HS6ST2: variants seen among roughly 807,000 people sequenced by gnomAD.
HS6ST2 encodes the protein heparan-sulfate 6-O-sulfotransferase 2.
Under a neutral mutation model 33.0 loss-of-function variants are expected in HS6ST2, and 17 were observed. The observed-to-expected ratio is 0.52, with a 90% CI of 0.35 to 0.77. The LOEUF (loss-of-function observed/expected upper bound fraction) is 0.77. Among genes scored for constraint, HS6ST2 ranks in the 30% least tolerant of loss-of-function variants. The pLI is 0.01. For synonymous variants in HS6ST2, 248 were observed against 237.1 expected (o/e 1.05, Z -0.42); for missense variants, 519 against 551.7 (o/e 0.94, Z 0.59).
At chrX:132,793,674 T>C (rs2065142825) in intron 2 of HS6ST2, among the ~76,000 whole-genome samples, 1 of 112,163 alleles carries the variant, frequency 8.9e-6, no homozygotes, top group Admixed American at 9.5e-5. Context: ...AGATGTCAAA[T>C]CAAGTACAAT....
At position 132,898,381 on chromosome X, in the gene HS6ST2, T is replaced by TTATATATATATA. The variant is rs10545986; in HGVS notation, c.947+58415_947+58426dup. 8.7e-4 allele frequency among the ~76,000 whole-genome samples: 78 copies of TTATATATATATA among 89,190 alleles called. 1 individual carries two copies. The highest frequency in any genetic ancestry group is 1.1e-3 in the Non-Finnish European group (50 of 45,182). 77.5% of individuals were successfully genotyped at this position (89,190 alleles called of 115,157 possible). ...ATATGCTCTCTTTATCAACATAAGG[T>TTATATATATATA]TATATATATATATATATATATATAT... On this transcript the variant is annotated intron_variant, in intron 2 of 4. Coordinates refer to ENST00000370833, the MANE Select transcript of HS6ST2 (RefSeq NM_001394073.1).
chrX:132,824,229 T>C (rs1389743395), intron 2 of HS6ST2, among the ~76,000 whole-genome samples: 3 of 111,978 alleles, frequency 2.7e-5, no homozygotes, highest in South Asian at 3.8e-4. Context: ...TCGTGTTTTT[T>C]AGTCCTGTCC....
intron 2 of HS6ST2, among the ~76,000 whole-genome samples, chrX:132,839,638 C>G (rs891525586): frequency 5.2e-4 from 57 of 110,007 alleles, no homozygotes; most frequent in African/African-American, 1.8e-3. Context: ...AGCCTAAACT[C>G]CATCACTAGG....
chrX:132,823,546 T>C (rs2065481448), intron 2 of HS6ST2, among the ~76,000 whole-genome samples: 1 of 109,596 alleles, frequency 9.1e-6, no homozygotes, highest in Admixed American at 9.9e-5. Flanking sequence ...TTCACTCCTA[T>C]GTTACTTCAC....
chrX:132,915,290 T>C (rs2066574136), intron 2 of HS6ST2, among the ~76,000 whole-genome samples: 2 of 112,632 alleles, frequency 1.8e-5, no homozygotes, highest in Admixed American at 9.4e-5. Flanking sequence ...CAACTTGTAG[T>C]TGAAATCACC....
At chrX:132,914,990 TGCAAAATTGCA>T (rs2066570228) in intron 2 of HS6ST2, among the ~76,000 whole-genome samples, 1 of 112,849 alleles carries the variant, frequency 8.9e-6, no homozygotes, top group African/African-American at 3.2e-5. Flanking sequence ...GCATGCAGCA[TGCAAAATTGCA>T]GGTCAAGAAG....
intron 3 of HS6ST2, among the ~76,000 whole-genome samples, chrX:132,675,192 A>G (rs1347367492): frequency 9.0e-6 from 1 of 110,584 alleles, no homozygotes; most frequent in African/African-American, 3.3e-5. Context: ...CCAGTAGGCA[A>G]TTAGAGAAAT....
At chrX:132,911,462 C>A (rs964283541) in intron 2 of HS6ST2, among the ~76,000 whole-genome samples, 1 of 111,647 alleles carries the variant, frequency 9.0e-6, no homozygotes, top group African/African-American at 3.3e-5. Context: ...CTTAGGCAAG[C>A]ACATCATCAG....
In HS6ST2 at chrX:132,659,243, A is replaced by G. The variant is rs758631943; in HGVS notation, c.1067+9870T>C. Among the ~76,000 whole-genome samples, 6 of 112,318 alleles carry G rather than the reference A, an allele frequency of 5.3e-5. No individual in the cohort carries two copies. In the South Asian group the frequency reaches 2.2e-3, roughly 41 times the overall value. On this transcript the variant is annotated intron_variant, in intron 4 of 4. Transcript: ENST00000370833. ...GCATTGCCAGCATTTTCCAAGCAAA[A>G]TTTATAGTTCAGTCATCAGTGAGCT...
chrX:132,718,725 A>T (rs1364689458), intron 2 of HS6ST2, among the ~76,000 whole-genome samples: 1 of 110,653 alleles, frequency 9.0e-6, no homozygotes, highest in Non-Finnish European at 1.9e-5. Context: ...ATACACAAGG[A>T]ACAGAGGTAG....
At chrX:132,845,932 C>T (rs754717692) in intron 2 of HS6ST2, among the ~76,000 whole-genome samples, 1 of 111,559 alleles carries the variant, frequency 9.0e-6, no homozygotes, top group South Asian at 3.8e-4. Context: ...GCATGCTTTT[C>T]CTGTAAAAGG....
chrX:132,772,860 C>T (rs1193781907), intron 2 of HS6ST2, among the ~76,000 whole-genome samples: 1 of 80,045 alleles, frequency 1.2e-5, no homozygotes, highest in Admixed American at 1.7e-4. Flanking sequence ...ATAATATAGT[C>T]TATAATATAA....
intron 2 of HS6ST2, among the ~76,000 whole-genome samples, chrX:132,814,079 G>T (rs921177167): frequency 9.0e-6 from 1 of 111,064 alleles, no homozygotes; most frequent in Non-Finnish European, 1.9e-5. Context: ...GTGTAGCTGG[G>T]ATTACAGGCA....
At chrX:132,855,333 G>T (rs931140244) in intron 2 of HS6ST2, among the ~76,000 whole-genome samples, 3 of 112,106 alleles carry the variant, frequency 2.7e-5, no homozygotes, top group African/African-American at 9.7e-5. Context: ...TTCCAGATAG[G>T]CATTATGCCT....
At chrX:132,765,237 A>C (rs906998829) in intron 2 of HS6ST2, among the ~76,000 whole-genome samples, 5 of 112,171 alleles carry the variant, frequency 4.5e-5, no homozygotes, top group Admixed American at 2.8e-4. Flanking sequence ...AGAGATATAA[A>C]ATGAACAATT....
At chrX:132,860,102 G>A (rs892888826) in intron 2 of HS6ST2, among the ~76,000 whole-genome samples, 21 of 111,737 alleles carry the variant, frequency 1.9e-4, no homozygotes, top group African/African-American at 6.2e-4. Flanking sequence ...AGGCATCTGC[G>A]CATGTGTGGG....
At chrX:132,926,290 G>A (rs904581738) in intron 2 of HS6ST2, among the ~76,000 whole-genome samples, 2 of 112,395 alleles carry the variant, frequency 1.8e-5, no homozygotes, top group Non-Finnish European at 3.8e-5. Context: ...GTTCTCCACT[G>A]CTCTTGGGCT....
intron 2 of HS6ST2, among the ~76,000 whole-genome samples, chrX:132,773,768 A>G (rs1356725259): frequency 8.9e-6 from 1 of 111,979 alleles, no homozygotes; most frequent in Non-Finnish European, 1.9e-5. Flanking sequence ...GAAATGTTCA[A>G]TATAGGTAAA....
In HS6ST2 at chrX:132,650,741, ATCTCTCTCTCTCTCTC is replaced by A. The variant is rs3066707; in HGVS notation, c.1067+18356_1067+18371del. ...TATGATTATTAAATCCATAGGAGGG[ATCTCTCTCTCTCTCTC>A]TCTCTCTCTCTCTCTTCTTTTTTGT... is the stretch of plus-strand genomic sequence containing the variant. On this transcript the variant is annotated intron_variant, in intron 4 of 4. Transcript: ENST00000370833. 1.0e-4 allele frequency among the ~76,000 whole-genome samples: 9 copies of A among 87,404 alleles called. No individual in the cohort carries two copies. The East Asian group carries it at 1.8e-3, about 18-fold the overall frequency. The allele number at this position is 87,404 out of a possible 115,157, so 75.9% of individuals were successfully genotyped here. A position where few individuals can be genotyped will look rare whatever the true frequency, so the allele number is the denominator to read the frequency against.
Sources: gnomAD v4.1 joint callset for allele counts (sites outside exome capture counted in the v4.1 genomes callset) on GRCh38, gnomAD v4.1.1 for gene constraint, MANE v1.5 for transcripts, NCBI Gene and HGNC (gene_info 2026-07-23, HGNC 2026-07-21) for gene names.